Variants in KRT86 observed in about 807,000 individuals in gnomAD.
The protein encoded by KRT86 is keratin, type II cuticular Hb6.
Under a neutral mutation model 41.2 loss-of-function variants are expected in KRT86, and 30 were observed. The observed-to-expected ratio is 0.73, with a 90% CI of 0.54 to 0.99. The LOEUF (loss-of-function observed/expected upper bound fraction) is 0.99. Among genes scored for constraint, KRT86 ranks in the 50% least tolerant of loss-of-function variants. The pLI, the probability that KRT86 is intolerant of heterozygous loss-of-function variation, is 0.00. For synonymous variants in KRT86, 238 were observed against 238.1 expected (o/e 1.00, Z 0.00); for missense variants, 561 against 571.4 (o/e 0.98, Z 0.19).
intron 2 of KRT86, chr12:52,287,037 G>A: frequency 6.2e-7 from 1 of 1,611,942 alleles, no homozygotes; most frequent in Non-Finnish European, 8.5e-7. Context: ...CTCAGCCAAG[G>A]CCAAGGGTAG....
At chr12:52,285,049 TAG>T (rs1223011297) in intron 2 of KRT86, among the ~76,000 whole-genome samples, 16 of 152,210 alleles carry the variant, frequency 1.1e-4, no homozygotes, top group South Asian at 4.1e-4. Context: ...TGATAAAAAA[TAG>T]AGTGATAATT....
intron 9 of KRT86, among the ~76,000 whole-genome samples, chr12:52,307,369 G>A (rs1278118345): frequency 1.3e-5 from 2 of 152,218 alleles, no homozygotes; most frequent in Non-Finnish European, 1.5e-5. Context: ...TCCATCACAC[G>A]GGGCTCTTGG....
At chr12:52,286,864 A>C in intron 2 of KRT86, 1 of 1,611,036 alleles carries the variant, frequency 6.2e-7, no homozygotes, top group Non-Finnish European at 8.5e-7. Context: ...TGACTGCCCC[A>C]GAGTGGCTGA....
At chr12:52,288,406 C>T (rs751670289) in intron 2 of KRT86, 3 of 1,614,196 alleles carry the variant, frequency 1.9e-6, no homozygotes, top group Non-Finnish European at 2.5e-6. Flanking sequence ...GGATCAGGGC[C>T]TCCACGTTGG....
chr12:52,299,235 A>G (rs1339098096), intron 2 of KRT86, among the ~76,000 whole-genome samples: 1 of 152,206 alleles, frequency 6.6e-6, no homozygotes, highest in Non-Finnish European at 1.5e-5. Context: ...TTTCCCTAAC[A>G]TAATGTCCTC....
At chr12:52,287,882 A>G in intron 2 of KRT86, 1 of 1,606,370 alleles carries the variant, frequency 6.2e-7, no homozygotes, top group Non-Finnish European at 8.5e-7. Context: ...CTCTCTTCTC[A>G]TCCCTAGGGA....
chr12:52,295,124 T>C (rs897564683), intron 2 of KRT86, among the ~76,000 whole-genome samples: 1 of 152,236 alleles, frequency 6.6e-6, no homozygotes, highest in Non-Finnish European at 1.5e-5. Context: ...GGTATGTGGC[T>C]ATTTTTTTTA....
Position 52,287,236 on chromosome 12 carries a change from C to T in KRT86, c.-5+11290C>T, listed in dbSNP as rs773758246. On this transcript the variant is annotated intron_variant, in intron 2 of 10. Transcript: ENST00000423955. Reference sequence around the variant, plus strand: ...GCTTGGCCTTCTGCAGGGCGCCCTCCAGCTCGGCCAGCTTGCAGCGGGCAT... The same window carrying T: ...GCTTGGCCTTCTGCAGGGCGCCCTCTAGCTCGGCCAGCTTGCAGCGGGCAT... 2.5e-5 allele frequency: 41 copies of T among 1,614,068 alleles called. No homozygotes were observed. In the South Asian group the frequency reaches 4.5e-4, roughly 18 times the overall value.
chr12:52,290,157 C>T (rs1938086028), intron 2 of KRT86: 1 of 127,968 alleles, frequency 7.8e-6, no homozygotes. Context: ...TCCACGCACT[C>T]GGCCTCCCGC....
In KRT86 at chr12:52,305,020, A is replaced by G. The variant is rs202150817; in HGVS notation, c.728A>G (p.Tyr243Cys). ...IQEIDFLRRL[Y>C]EEEIRVLQSH... is the part of the protein sequence containing the mutation. ...GAGATCGACTTCCTGAGGCGGCTGT[A>G]TGAGGAGGTGCGGGCTCAGGGGCCA... is the stretch of plus-strand genomic sequence containing the variant. The change falls in exon 6 of 11, where the codon TAT becomes TGT. Residue 243 changes from tyrosine (Y) to cysteine (C), a missense_variant. Physicochemically the swap from Tyr to Cys is radical, Grantham distance 194. Coordinates refer to ENST00000423955, the MANE Select transcript of KRT86 (RefSeq NM_001320198.2). The G allele has an allele frequency of 3.7e-5, 59 of 1,613,952 alleles. No homozygotes were observed. Among genetic ancestry groups the G allele is most frequent in the Non-Finnish European group, 4.5e-5 (53 of 1,179,940 alleles).
chr12:52,296,744 C>T, intron 2 of KRT86, among the ~76,000 whole-genome samples: 1 of 152,198 alleles, frequency 6.6e-6, no homozygotes, highest in East Asian at 1.9e-4. Flanking sequence ...GTGTAAGCAG[C>T]CACTCCACTA....
In KRT86 at chr12:52,301,707, C is replaced by A. The variant is rs148007731; in HGVS notation, c.-4-206C>A. Reference sequence around the variant, plus strand: ...ATAACATCTGGCTGCTTCTGGGCACCAATTAAGTACATTAAGTGGGGAGCG... The same window carrying A: ...ATAACATCTGGCTGCTTCTGGGCACAAATTAAGTACATTAAGTGGGGAGCG... On this transcript the variant is annotated intron_variant, in intron 2 of 10. Coordinates refer to ENST00000423955, the MANE Select transcript of KRT86 (RefSeq NM_001320198.2). The A allele has an allele frequency of 5.8e-3, 2,541 of 440,544 alleles. 11 individuals carry two copies. Among genetic ancestry groups the A allele is most frequent in the South Asian group, 0.011 (111 of 10,220 alleles). The allele number at this position is 440,544 out of a possible 1,614,324, so 27.3% of individuals were successfully genotyped here.
At chr12:52,286,530 G>A (rs1282290245) in intron 2 of KRT86, 1 of 1,543,628 alleles carries the variant, frequency 6.5e-7, no homozygotes, top group Non-Finnish European at 8.8e-7. Flanking sequence ...ATTCTGAAGG[G>A]CAAGCCATCC....
intron 2 of KRT86, 150 bp downstream of exon 2, chr12:52,276,096 C>T: frequency 1.2e-6 from 1 of 804,238 alleles, no homozygotes. Context: ...CAGCTGCATG[C>T]ATATATCATG....
intron 2 of KRT86, among the ~76,000 whole-genome samples, chr12:52,282,463 T>C (rs10876265): frequency 0.27 from 40,267 of 151,886 alleles, 6,024 homozygotes; most frequent in East Asian, 0.4. Flanking sequence ...GTCTCGATCT[T>C]CTGACCTCGT....
At chr12:52,287,903 C>T (rs1938006092) in intron 2 of KRT86, 1 of 1,611,922 alleles carries the variant, frequency 6.2e-7, no homozygotes, top group African/African-American at 1.3e-5. Context: ...CCAGCATCCC[C>T]AGAAAAGGAA....
At position 52,301,603 on chromosome 12, in the gene KRT86, G is replaced by A. The variant is rs145303758; in HGVS notation, c.-4-310G>A. 2.0e-4 allele frequency among the ~76,000 whole-genome samples: 31 copies of A among 152,296 alleles called. No individual in the cohort carries two copies. The East Asian group carries it at 5.8e-3, about 28-fold the overall frequency. On this transcript the variant is annotated intron_variant, in intron 2 of 10. Coordinates refer to ENST00000423955, the MANE Select transcript of KRT86 (RefSeq NM_001320198.2). ...GTCCAACGTCAGTTTCCTCAACTGT[G>A]TATTGGGAGGTTGAGGTGGGTGTGC...
chr12:52,301,250 G>GGA (rs1204118516), intron 2 of KRT86, among the ~76,000 whole-genome samples: 2 of 151,658 alleles, frequency 1.3e-5, no homozygotes, highest in Non-Finnish European at 2.9e-5. Flanking sequence ...CCAGAGAGTG[G>GGA]GAGAGAGAGA....
At chr12:52,304,700 G>T (rs1431123767) in intron 5 of KRT86, among the ~76,000 whole-genome samples, 1 of 151,712 alleles carries the variant, frequency 6.6e-6, no homozygotes, top group Non-Finnish European at 1.5e-5. Flanking sequence ...GAGATAAGAG[G>T]GTAAGGAGCA....
Sources: gnomAD v4.1 joint callset for allele counts (sites outside exome capture counted in the v4.1 genomes callset) on GRCh38, gnomAD v4.1.1 for gene constraint, MANE v1.5 for transcripts, NCBI Gene and HGNC (gene_info 2026-07-23, HGNC 2026-07-21) for gene names.